NBEA: variants seen among roughly 807,000 people sequenced by gnomAD.
NBEA encodes the protein lysosomal-trafficking regulator 2.
NBEA carries 44 observed loss-of-function variants against 343.4 expected under a neutral mutation model. The observed-to-expected ratio is 0.13, with a 90% CI of 0.10 to 0.16. NBEA has a LOEUF of 0.16. Among genes scored for constraint, NBEA ranks in the 10% least tolerant of loss-of-function variants. NBEA has a pLI of 1.00. For synonymous variants in NBEA, 1,175 were observed against 1,238.7 expected, an observed-to-expected ratio of 0.95 and a Z score of 1.08; for missense variants, 2,555 against 3,631.3, an observed-to-expected ratio of 0.70 and a Z score of 7.62.
intron 41 of NBEA, among the ~76,000 whole-genome samples, chr13:35,512,237 A>G (rs1182581912): frequency 6.6e-6 from 1 of 152,192 alleles, no homozygotes; most frequent in Non-Finnish European, 1.5e-5. Flanking sequence ...TCTTGGCTGC[A>G]TGAAACAGTA....
chr13:35,394,579 GA>G (rs1041730192), intron 38 of NBEA, among the ~76,000 whole-genome samples: 8 of 149,674 alleles, frequency 5.3e-5, no homozygotes, highest in African/African-American at 1.7e-4. Context: ...AAACTCGCTG[GA>G]AAAAAAAATG....
chr13:35,183,852 G>T, intron 29 of NBEA, 124 bp from the exon 30 acceptor site: 2 of 580,278 alleles, frequency 3.4e-6, no homozygotes, highest in Non-Finnish European at 6.1e-6. Context: ...CTTCAGAGAT[G>T]CATTCGTTAT....
At chr13:35,014,434 T>A (rs2061584052) in intron 1 of NBEA, among the ~76,000 whole-genome samples, 1 of 152,180 alleles carries the variant, frequency 6.6e-6, no homozygotes, top group African/African-American at 2.4e-5. Context: ...CTTAGTAGAT[T>A]ATTGTACTAC....
At chr13:35,446,111 C>T (rs1195386580) in intron 39 of NBEA, among the ~76,000 whole-genome samples, 7 of 151,872 alleles carry the variant, frequency 4.6e-5, no homozygotes, top group African/African-American at 1.7e-4. Flanking sequence ...ATGATGGTTT[C>T]CGGCTTCATC....
chr13:35,664,334 G>GA (rs1226931899), intron 55 of NBEA, among the ~76,000 whole-genome samples: 1 of 152,148 alleles, frequency 6.6e-6, no homozygotes, highest in Non-Finnish European at 1.5e-5. Flanking sequence ...CAAGATAGGG[G>GA]ATCGGGGGTG....
At chr13:35,449,831 C>T (rs575808883) in intron 39 of NBEA, among the ~76,000 whole-genome samples, 10 of 152,288 alleles carry the variant, frequency 6.6e-5, no homozygotes, top group African/African-American at 2.2e-4. Context: ...ATTGATTTGT[C>T]ATAATACTAT....
chr13:35,444,637 A>C lies in NBEA; in HGVS notation c.6305-7455A>C, dbSNP rs889020862. Among the ~76,000 whole-genome samples, 8 of 152,140 alleles carry C rather than the reference A, an allele frequency of 5.3e-5. No individual in the cohort carries two copies. In the South Asian group the frequency reaches 1.0e-3, roughly 20 times the overall value. ...TACCTGATAATACATTTAGGTAAAAATAAAATTAGACCAGATTTCTATTCT... is the reference window on the plus strand; with the variant it reads ...TACCTGATAATACATTTAGGTAAAACTAAAATTAGACCAGATTTCTATTCT... On this transcript the variant is annotated intron_variant, in intron 39 of 58. Transcript: ENST00000379939.
chr13:35,499,817 A>G (rs1216760566), intron 41 of NBEA, among the ~76,000 whole-genome samples: 1 of 152,130 alleles, frequency 6.6e-6, no homozygotes, highest in East Asian at 1.9e-4. Flanking sequence ...TCAGCCATGC[A>G]GCTGACCTTT....
At chr13:34,956,017 C>G (rs1333653743) in intron 1 of NBEA, among the ~76,000 whole-genome samples, 1 of 152,116 alleles carries the variant, frequency 6.6e-6, no homozygotes, top group Admixed American at 6.5e-5. Context: ...ATCAACTCTC[C>G]CTTTTATTTG....
At chr13:35,531,523 A>G (rs951951476) in intron 41 of NBEA, among the ~76,000 whole-genome samples, 4 of 152,154 alleles carry the variant, frequency 2.6e-5, no homozygotes, top group African/African-American at 9.7e-5. Flanking sequence ...TTGCTGAAAA[A>G]AAATCAAATT....
intron 4 of NBEA, among the ~76,000 whole-genome samples, chr13:35,047,566 G>C (rs1285584113): frequency 1.3e-5 from 2 of 151,884 alleles, no homozygotes; most frequent in Non-Finnish European, 2.9e-5. Flanking sequence ...GAAGCAACAT[G>C]ATGTATAGGA....
chr13:34,942,454 C>A lies in NBEA; in HGVS notation c.-367C>A, dbSNP rs1180307686. 1.2e-5 allele frequency: 2 copies of A among 162,992 alleles called. No homozygotes were observed. Among genetic ancestry groups the A allele is most frequent in the Non-Finnish European group, 2.7e-5 (2 of 74,972 alleles). 10.1% of individuals were successfully genotyped at this position (162,992 alleles called of 1,614,324 possible). A position where few individuals can be genotyped will look rare whatever the true frequency, so the allele number is the denominator to read the frequency against. On this transcript the variant is annotated 5_prime_UTR_variant, in exon 1 of 59. Transcript: ENST00000379939. The stretch of plus-strand genomic sequence containing the variant: ...GCTCGCGTCCTCGGGCTTCTCGGAG[C>A]GGCTGCAGCATCTCCGCGGGGGGCG...
intron 1 of NBEA, among the ~76,000 whole-genome samples, chr13:35,034,300 A>ATTCCC (rs2062356469): frequency 6.6e-6 from 1 of 151,848 alleles, no homozygotes; most frequent in Admixed American, 6.6e-5. Flanking sequence ...TGCTGATATG[A>ATTCCC]TGTATCAGAT....
intron 40 of NBEA, among the ~76,000 whole-genome samples, chr13:35,460,324 T>C (rs1243740420): frequency 6.6e-6 from 1 of 152,208 alleles, no homozygotes; most frequent in Non-Finnish European, 1.5e-5. Flanking sequence ...CTTTTTTCTC[T>C]CTTTGAATGA....
At chr13:35,421,498 C>A (rs1394251935) in intron 38 of NBEA, among the ~76,000 whole-genome samples, 1 of 151,962 alleles carries the variant, frequency 6.6e-6, no homozygotes, top group Non-Finnish European at 1.5e-5. Flanking sequence ...TTAAATATTA[C>A]CAGTAAATAT....
At chr13:35,093,750 AG>A (rs1434466809) in intron 10 of NBEA, among the ~76,000 whole-genome samples, 1 of 152,022 alleles carries the variant, frequency 6.6e-6, no homozygotes, top group Non-Finnish European at 1.5e-5. Flanking sequence ...TATTTACTAT[AG>A]TGGTGGCTGC....
intron 38 of NBEA, among the ~76,000 whole-genome samples, chr13:35,370,605 C>T (rs1039433127): frequency 5.9e-5 from 9 of 151,820 alleles, no homozygotes; most frequent in African/African-American, 1.9e-4. Flanking sequence ...TTTGTATATC[C>T]TTTGTTCCTT....
chr13:35,584,061 C>T, intron 46 of NBEA, 23 bp downstream of exon 46: 2 of 1,609,778 alleles, frequency 1.2e-6, no homozygotes, highest in Non-Finnish European at 1.7e-6. Context: ...ATTGAGTTAG[C>T]TTGCCTTTGG....
chr13:35,452,895 CATACAATTCTGT>C (rs929082209), intron 40 of NBEA, among the ~76,000 whole-genome samples: 10 of 152,300 alleles, frequency 6.6e-5, no homozygotes, highest in Admixed American at 6.5e-4. Context: ...TGAAGAGGCA[CATACAATTCTGT>C]ACACAATGTC....
Sources: allele counts gnomAD v4.1 joint callset (sites outside exome capture counted in the v4.1 genomes callset), GRCh38; gene constraint gnomAD v4.1.1; transcripts MANE v1.5; gene names NCBI Gene and HGNC (gene_info 2026-07-23, HGNC 2026-07-21).